The following ROBO2 variants were observed in gnomAD, a reference collection of about 807,000 sequenced individuals.
ROBO2 encodes roundabout homolog 2.
In ROBO2, 53 loss-of-function variants were observed where a neutral mutation model predicts 160.8. The observed-to-expected ratio is 0.33, with a 90% CI of 0.26 to 0.41. The LOEUF (loss-of-function observed/expected upper bound fraction) is 0.41, where lower values mean the gene tolerates loss of function less well. Among genes scored for constraint, ROBO2 ranks in the 10% least tolerant of loss-of-function variants. The pLI is 1.00. For synonymous variants in ROBO2, 664 were observed against 611.7 expected, an observed-to-expected ratio of 1.09 and a Z score of -1.26; for missense variants, 1,577 against 1,722.4, an observed-to-expected ratio of 0.92 and a Z score of 1.49.
intron 2 of ROBO2, among the ~76,000 whole-genome samples, chr3:76,841,666 A>G (rs995128265): frequency 7.9e-5 from 12 of 152,206 alleles, no homozygotes; most frequent in African/African-American, 2.7e-4. Context: ...CAGAACAGAG[A>G]GGACCATTGG....
Position 77,166,354 on chromosome 3 carries a change from C to A in ROBO2, c.388+68014C>A, listed in dbSNP as rs2079073429. On this transcript the variant is annotated intron_variant, in intron 2 of 25. Transcript: ENST00000461745. ...TCAGGAAATTTAATATTGATATAAT[C>A]TTATTATTTATAAAAATTCCATAAC... Among the ~76,000 whole-genome samples the A allele has an allele frequency of 4.6e-5, 7 of 152,234 alleles. No homozygotes were observed. The South Asian group carries it at 1.5e-3, about 32-fold the overall frequency.
intron 2 of ROBO2, among the ~76,000 whole-genome samples, chr3:76,246,078 A>G (rs1705599803): frequency 6.6e-6 from 1 of 152,128 alleles, no homozygotes; most frequent in South Asian, 2.1e-4. Context: ...GAGCCCATTG[A>G]AAATAACACA....
chr3:77,022,684 A>G (rs940291222), intron 2 of ROBO2, among the ~76,000 whole-genome samples: 3 of 152,162 alleles, frequency 2.0e-5, no homozygotes, highest in African/African-American at 7.2e-5. Context: ...TGTCTTTTTC[A>G]TAGGAGTGTT....
chr3:76,735,456 G>T (rs1163731954), intron 2 of ROBO2, among the ~76,000 whole-genome samples: 1 of 152,040 alleles, frequency 6.6e-6, no homozygotes, highest in African/African-American at 2.4e-5. Context: ...GAAGGCAGCG[G>T]GGCATGGGTT....
At chr3:76,046,015 C>T (rs1418114068) in intron 2 of ROBO2, among the ~76,000 whole-genome samples, 3 of 151,990 alleles carry the variant, frequency 2.0e-5, no homozygotes, top group African/African-American at 7.3e-5. Flanking sequence ...GAAGTCTTCA[C>T]TTTGACTGCC....
chr3:77,552,892 C>T (rs1160485809), intron 8 of ROBO2, among the ~76,000 whole-genome samples: 39 of 151,862 alleles, frequency 2.6e-4, no homozygotes, highest in Non-Finnish European at 7.4e-5. Context: ...CTATCTGAGC[C>T]ATTATTTCAT....
chr3:77,285,089 A>T (rs2060491823), intron 2 of ROBO2, among the ~76,000 whole-genome samples: 1 of 152,158 alleles, frequency 6.6e-6, no homozygotes, highest in East Asian at 1.9e-4. Context: ...ACACCTAGAA[A>T]ATTAATCTTT....
chr3:77,254,006 G>T (rs2090656444), intron 2 of ROBO2, among the ~76,000 whole-genome samples: 1 of 152,172 alleles, frequency 6.6e-6, no homozygotes, highest in Non-Finnish European at 1.5e-5. Context: ...TGGCAAAGTA[G>T]TCAGCATTTA....
At chr3:76,603,351 A>AAAAT (rs1553826368) in intron 2 of ROBO2, among the ~76,000 whole-genome samples, 57 of 26,402 alleles carry the variant, frequency 2.2e-3, no homozygotes, top group South Asian at 4.2e-3. Context: ...AAAAAAAAAA[A>AAAAT]ATATATATAT....
At chr3:76,161,017 A>T (rs1160969409) in intron 2 of ROBO2, among the ~76,000 whole-genome samples, 1 of 152,292 alleles carries the variant, frequency 6.6e-6, no homozygotes, top group East Asian at 1.9e-4. Context: ...AGAACGGTTA[A>T]TGAACTTTGT....
rs138226935 is a variant in ROBO2, at chr3:77,051,908, C to T, written c.61+11062C>T. On this transcript the variant is annotated intron_variant, in intron 1 of 25. Coordinates refer to ENST00000461745, the Ensembl canonical transcript of ROBO2. Reference sequence around the variant, plus strand: ...ATTTGACACTCAACTATACAGCAAGCGGACACGCTGATATTTAGTTCTATG... The same window carrying T: ...ATTTGACACTCAACTATACAGCAAGTGGACACGCTGATATTTAGTTCTATG... Among the ~76,000 whole-genome samples the T allele has an allele frequency of 2.6e-4, 40 of 152,294 alleles. No homozygotes were observed. The East Asian group carries it at 6.6e-3, about 25-fold the overall frequency.
chr3:76,931,910 A>T (rs528296184), intron 2 of ROBO2, among the ~76,000 whole-genome samples: 20 of 152,172 alleles, frequency 1.3e-4, no homozygotes, highest in Non-Finnish European at 2.6e-4. Context: ...CAAACTCCTG[A>T]CCTCAGGTGA....
chr3:76,235,880 G>T (rs993220976), intron 2 of ROBO2, among the ~76,000 whole-genome samples: 1 of 152,172 alleles, frequency 6.6e-6, no homozygotes, highest in Non-Finnish European at 1.5e-5. Flanking sequence ...AGTTTCTTTG[G>T]TGGAGAATTT....
chr3:77,215,928 C>T (rs992785300), intron 2 of ROBO2, among the ~76,000 whole-genome samples: 23 of 152,154 alleles, frequency 1.5e-4, no homozygotes, highest in African/African-American at 4.8e-4. Context: ...GCTGCCTGAT[C>T]GTTCCTCTGG....
At chr3:76,573,709 C>T (rs1299601586) in intron 2 of ROBO2, among the ~76,000 whole-genome samples, 1 of 151,952 alleles carries the variant, frequency 6.6e-6, no homozygotes, top group Non-Finnish European at 1.5e-5. Flanking sequence ...GATGAGGGCT[C>T]ATCATATCTA....
At chr3:76,317,093 G>A (rs1219051257) in intron 2 of ROBO2, among the ~76,000 whole-genome samples, 1 of 152,176 alleles carries the variant, frequency 6.6e-6, no homozygotes, top group Non-Finnish European at 1.5e-5. Flanking sequence ...TAATTGTTAT[G>A]TGCGTCTGTG....
At chr3:77,496,012 A>G (rs2086735812) in intron 5 of ROBO2, among the ~76,000 whole-genome samples, 1 of 152,240 alleles carries the variant, frequency 6.6e-6, no homozygotes, top group Non-Finnish European at 1.5e-5. Context: ...TACAAATGAT[A>G]CATATAAATC....
At chr3:76,074,744 C>T (rs1193133365) in intron 2 of ROBO2, among the ~76,000 whole-genome samples, 3 of 151,996 alleles carry the variant, frequency 2.0e-5, no homozygotes, top group African/African-American at 7.3e-5. Context: ...AATATAAAGG[C>T]AGATAGCCCA....
chr3:75,918,764 A>G (rs1296013202), intron 1 of ROBO2, among the ~76,000 whole-genome samples: 1 of 152,110 alleles, frequency 6.6e-6, no homozygotes, highest in Non-Finnish European at 1.5e-5. Context: ...CGTAGGTTGT[A>G]TTCCTACGTA....
Sources: allele counts gnomAD v4.1 joint callset (sites outside exome capture counted in the v4.1 genomes callset), GRCh38; gene constraint gnomAD v4.1.1; transcripts MANE v1.5; gene names NCBI Gene and HGNC (gene_info 2026-07-23, HGNC 2026-07-21).